Variants in SCX observed in about 807,000 individuals in gnomAD.
SCX encodes basic helix-loop-helix transcription factor scleraxis.
Under a neutral mutation model 12.2 loss-of-function variants are expected in SCX, and 7 were observed. The observed-to-expected ratio is 0.57, with a 90% CI of 0.33 to 1.08. The LOEUF is 1.08. SCX is among the 50% of genes least tolerant of loss of function. The pLI, the probability that SCX is intolerant of heterozygous loss-of-function variation, is 0.04. For synonymous variants in SCX, 193 were observed against 163.9 expected, an observed-to-expected ratio of 1.18 and a Z score of -1.36; for missense variants, 342 against 337.2, an observed-to-expected ratio of 1.01 and a Z score of -0.11.
rs1349908952 is a variant in SCX at position 144,266,514 on chromosome 8, C to G, written c.-100C>G. On this transcript the variant is annotated 5_prime_UTR_variant, in exon 1 of 2. Transcript: ENST00000567180. ...CTGCCACCGCGGGGCGCAGCCGAGA[C>G]CCCGCGCCTCGCCCCGGCCGGCCCG... is the stretch of plus-strand genomic sequence containing the variant. 8.1e-6 allele frequency: 8 copies of G among 988,902 alleles called. 1 individual carries two copies. In the South Asian group the frequency reaches 3.6e-4, roughly 45 times the overall value. The allele number at this position is 988,902 out of a possible 1,614,324, so 61.3% of individuals were successfully genotyped here.
At chr8:144,268,076 G>A in intron 1 of SCX, 28 bp from the exon 2 acceptor site, 1 of 1,549,818 alleles carries the variant, frequency 6.5e-7, no homozygotes. Flanking sequence ...CTCTGCCGGG[G>A]CCTGACACTC....
chr8:144,267,260 C>A, intron 1 of SCX, 80 bp downstream of exon 1: 1 of 1,414,812 alleles, frequency 7.1e-7, no homozygotes, highest in South Asian at 1.5e-5. Flanking sequence ...GGAGGCGAGG[C>A]CACACGGGCA....
At chr8:144,268,024 G>A in intron 1 of SCX, 80 bp from the exon 2 acceptor site, 1 of 1,546,656 alleles carries the variant, frequency 6.5e-7, no homozygotes, top group Non-Finnish European at 8.7e-7. Flanking sequence ...ACCTGAGATG[G>A]CACCCAGCAG....
rs1405755515 is a variant in SCX at position 144,266,852 on chromosome 8, C to A, written c.239C>A (p.Ala80Glu). The stretch of plus-strand genomic sequence containing the variant: ...CGTGAGCCCCGGCAGCGGCACACGG[C>A]GAACGCGCGCGAGCGAGACCGCACC... ...PGREPRQRHTANARERDRTNS... is the reference protein window; with the variant it reads ...PGREPRQRHTENARERDRTNS... Residue 80 changes from alanine (A) to glutamate (E), a missense_variant, in exon 1 of 2, where the codon GCG becomes GAG. This residue lies in a region of SCX where 42 missense variants were observed against 73.7 expected (regional missense o/e 0.57). Coordinates refer to ENST00000567180, the MANE Select transcript of SCX (RefSeq NM_001080514.3). The A allele has an allele frequency of 2.2e-6, 3 of 1,394,398 alleles. No individual in the cohort carries two copies. Among genetic ancestry groups the A allele is most frequent in the Non-Finnish European group, 2.8e-6 (3 of 1,065,256 alleles). 86.4% of individuals were successfully genotyped at this position (1,394,398 alleles called of 1,614,324 possible).
At position 144,266,610 on chromosome 8, in the gene SCX, C is replaced by A; in HGVS notation, c.-4C>A. 8.4e-7 allele frequency: 1 copy of A among 1,183,806 alleles called. No individual in the cohort carries two copies. Among genetic ancestry groups the A allele is most frequent in the Non-Finnish European group, 1.1e-6 (1 of 941,492 alleles). The allele number at this position is 1,183,806 out of a possible 1,614,324, so 73.3% of individuals were successfully genotyped here. The stretch of plus-strand genomic sequence containing the variant: ...AGAGCTGACGCCGCGCCCCCGCCGG[C>A]CCCATGTCCTTCGCCACGCTGCGCC... On this transcript the variant is annotated 5_prime_UTR_variant, in exon 1 of 2. Transcript: ENST00000567180.
chr8:144,268,135 G>T lies in SCX; in HGVS notation c.599G>T (p.Arg200Leu). The T allele has an allele frequency of 6.4e-7, 1 of 1,551,708 alleles. No homozygotes were observed. The highest frequency in any genetic ancestry group is 8.7e-7 in the Non-Finnish European group (1 of 1,147,566). The change falls in exon 2 of 2, where the codon CGC becomes CTC. Residue 200 changes from arginine (R) to leucine (L), a missense_variant. This residue lies in a region of SCX where 161 missense variants were observed against 155.7 expected (regional missense o/e 1.03). Transcript: ENST00000567180. Reference protein sequence around the residue: ...SKDRDRKTAIRS With the variant: ...SKDRDRKTAILS ...GACCGCGACAGAAAGACAGCGATTCGCAGTTAGGAGGTGGCCGGCAGCAGC... is the reference window on the plus strand; with the variant it reads ...GACCGCGACAGAAAGACAGCGATTCTCAGTTAGGAGGTGGCCGGCAGCAGC...
intron 1 of SCX, among the ~76,000 whole-genome samples, chr8:144,267,584 T>C (rs1045622388): frequency 1.3e-4 from 20 of 152,362 alleles, no homozygotes; most frequent in Admixed American, 3.9e-4. Context: ...CCCCGGGTTC[T>C]TAGCCCCTGC....
intron 1 of SCX, among the ~76,000 whole-genome samples, chr8:144,267,626 C>T (rs1278817052): frequency 2.0e-5 from 3 of 152,244 alleles, no homozygotes; most frequent in African/African-American, 7.2e-5. Context: ...ATCTTGGGCA[C>T]CTGCTGTCCG....
chr8:144,266,931 C>T lies in SCX; in HGVS notation c.318C>T (p.Pro106=), dbSNP rs1241010278. 17 of 1,558,406 alleles carry T rather than the reference C, an allele frequency of 1.1e-5. No homozygotes were observed. The highest frequency in any genetic ancestry group is 2.8e-5 in the African/African-American group (2 of 71,528). The part of the protein sequence containing the change: ...TALRTLIPTE[P]ADRKLSKIET... The stretch of plus-strand genomic sequence containing the variant: ...TGCGCACGCTGATCCCCACCGAGCC[C>T]GCCGACCGCAAGCTCTCCAAGATTG... The change falls in exon 1 of 2, where the codon CCC becomes CCT. Residue 106 remains proline, a synonymous_variant. Transcript: ENST00000567180.
rs1429925368 is a variant in SCX, at chr8:144,267,074, G to A, written c.461G>A (p.Arg154His). The change falls in exon 1 of 2, where the codon CGC (arginine) becomes CAC (histidine). Residue 154 changes from arginine (R) to histidine (H), a missense_variant. Around this residue, in one of 3 missense-constraint regions of SCX, gnomAD observed 161 missense variants for 155.7 expected, o/e 1.03. Transcript: ENST00000567180. ...HSGPAFFHAA[R>H]AGSPPPPPPP... is the part of the protein sequence containing the mutation. ...GGGCCCGCCTTCTTCCACGCGGCGC[G>A]CGCCGGCAGCCCCCCGCCGCCGCCC... 5 of 1,405,414 alleles carry A rather than the reference G, an allele frequency of 3.6e-6. No homozygotes were observed. Among genetic ancestry groups the A allele is most frequent in the East Asian group, 3.1e-5 (1 of 32,220 alleles). The allele number at this position is 1,405,414 out of a possible 1,614,324, so 87.1% of individuals were successfully genotyped here.
rs1324324374 is a variant in SCX at position 144,266,622 on chromosome 8, C to T, written c.9C>T (p.Phe3=). ...GCGCCCCCGCCGGCCCCATGTCCTTCGCCACGCTGCGCCCGGCGCCGCCGG... is the reference window on the plus strand; with the variant it reads ...GCGCCCCCGCCGGCCCCATGTCCTTTGCCACGCTGCGCCCGGCGCCGCCGG... MS[F]ATLRPAPPGR... is the part of the protein sequence containing the mutation. The change falls in exon 1 of 2, where the codon TTC becomes TTT. Residue 3 remains phenylalanine (F), a synonymous_variant. Coordinates refer to ENST00000567180, the MANE Select transcript of SCX (RefSeq NM_001080514.3). 4 of 1,215,864 alleles carry T rather than the reference C, an allele frequency of 3.3e-6. No homozygotes were observed. Among genetic ancestry groups the T allele is most frequent in the Non-Finnish European group, 4.2e-6 (4 of 958,072 alleles). The allele number at this position is 1,215,864 out of a possible 1,614,324, so 75.3% of individuals were successfully genotyped here. A position where few individuals can be genotyped will look rare whatever the true frequency, so the allele number is the denominator to read the frequency against.
In SCX at chr8:144,266,768, C is replaced by T; in HGVS notation, c.155C>T (p.Ala52Val). ...GCGGCGCGCTGCGGCCTCCAGGGCG[C>T]CCGGCGGAGGGCGGGGGGCCGGCGG... ...VHAARCGLQG[A>V]RRRAGGRRAG... Residue 52 changes from alanine (A) to valine (V), a missense_variant, in exon 1 of 2, where the codon GCC becomes GTC. Ala to Val is a moderately conservative substitution (Grantham distance 64). Transcript: ENST00000567180. 1.9e-6 allele frequency: 2 copies of T among 1,073,822 alleles called. No homozygotes were observed. Among genetic ancestry groups the T allele is most frequent in the South Asian group, 4.0e-5 (1 of 25,132 alleles). The allele number at this position is 1,073,822 out of a possible 1,614,324, so 66.5% of individuals were successfully genotyped here.
At chr8:144,268,013 C>T (rs1845418541) in intron 1 of SCX, 91 bp from the exon 2 acceptor site, 18 of 1,541,686 alleles carry the variant, frequency 1.2e-5, no homozygotes, top group South Asian at 7.2e-5. Flanking sequence ...TGGCGCTGGC[C>T]ACCTGAGATG....
chr8:144,266,688 C>G lies in SCX; in HGVS notation c.75C>G (p.Asp25Glu), dbSNP rs1344384415. 7 of 1,238,014 alleles carry G rather than the reference C, an allele frequency of 5.7e-6. No individual in the cohort carries two copies. Among genetic ancestry groups the G allele is most frequent in the Non-Finnish European group, 7.2e-6 (7 of 971,324 alleles). The allele number at this position is 1,238,014 out of a possible 1,614,324, so 76.7% of individuals were successfully genotyped here. A position where few individuals can be genotyped will look rare whatever the true frequency, so the allele number is the denominator to read the frequency against. Residue 25 changes from aspartate to glutamate, a missense_variant, in exon 1 of 2, where the codon GAC (aspartate) becomes GAG (glutamate). Asp to Glu is a conservative substitution (Grantham distance 45, BLOSUM62 2). Transcript: ENST00000567180. ...CCGAGGTGAGCCCGCTGTCGGAGGA[C>G]GAGGACCGCGGCAGCGACAGCTCGG... ...LYPEVSPLSE[D>E]EDRGSDSSGS...
chr8:144,267,856 T>C (rs1370356693), intron 1 of SCX, among the ~76,000 whole-genome samples: 2 of 152,124 alleles, frequency 1.3e-5, no homozygotes, highest in Non-Finnish European at 2.9e-5. Flanking sequence ...CTTTTCCCAA[T>C]CCCCATTTCC....
Position 144,266,562 on chromosome 8 carries a change from A to G in SCX, c.-52A>G. 1 of 1,005,022 alleles carries G rather than the reference A, an allele frequency of 1.0e-6. No individual in the cohort carries two copies. The allele number at this position is 1,005,022 out of a possible 1,614,324, so 62.3% of individuals were successfully genotyped here. On this transcript the variant is annotated 5_prime_UTR_variant, in exon 1 of 2. Coordinates refer to ENST00000567180, the MANE Select transcript of SCX (RefSeq NM_001080514.3). ...CCGCGAGGCCCGCGGCGGCCGCAGG[A>G]GGCGGCATGAGCAGCGCGCGACAGA... is the stretch of plus-strand genomic sequence containing the variant.
Position 144,266,800 on chromosome 8 carries a change from G to A in SCX, c.187G>A (p.Gly63Ser). The change falls in exon 1 of 2, where the codon GGC becomes AGC. Residue 63 changes from glycine (G) to serine (S), a missense_variant. By Grantham distance (56) the Gly-to-Ser change is moderately conservative. This residue lies in a region of SCX where 139 missense variants were observed against 107.8 expected (regional missense o/e 1.29). Transcript: ENST00000567180. ...GAGGGCGGGGGGCCGGCGGGCCGGGGGCGGGGGGCCAGGGGGCCGGCCAGG... is the reference window on the plus strand; with the variant it reads ...GAGGGCGGGGGGCCGGCGGGCCGGGAGCGGGGGGCCAGGGGGCCGGCCAGG... ...RRRAGGRRAG[G>S]GGPGGRPGRE... 8.8e-7 allele frequency: 1 copy of A among 1,134,192 alleles called. No homozygotes were observed. The highest frequency in any genetic ancestry group is 1.1e-6 in the Non-Finnish European group (1 of 926,856). The allele number at this position is 1,134,192 out of a possible 1,614,324, so 70.3% of individuals were successfully genotyped here. A position where few individuals can be genotyped will look rare whatever the true frequency, so the allele number is the denominator to read the frequency against.
chr8:144,267,038 C>A lies in SCX; in HGVS notation c.425C>A (p.Pro142His). The part of the protein sequence containing the change: ...LAGEACGDGQ[P>H]CHSGPAFFHA... ...GGCGAGGCCTGCGGCGACGGACAGC[C>A]CTGCCACTCCGGGCCCGCCTTCTTC... The change falls in exon 1 of 2, where the codon CCC (proline) becomes CAC (histidine). Residue 142 changes from proline to histidine, a missense_variant. Physicochemically the swap from Pro to His is moderately conservative, Grantham distance 77 (BLOSUM62 -2). Transcript: ENST00000567180. 1 of 1,518,754 alleles carries A rather than the reference C, an allele frequency of 6.6e-7. No individual in the cohort carries two copies. Among genetic ancestry groups the A allele is most frequent in the South Asian group, 1.2e-5 (1 of 84,850 alleles). 94.1% of individuals were successfully genotyped at this position (1,518,754 alleles called of 1,614,324 possible). A position where few individuals can be genotyped will look rare whatever the true frequency, so the allele number is the denominator to read the frequency against.
chr8:144,266,465 A>G lies in SCX; in HGVS notation c.-149A>G, dbSNP rs1845366517. 3 of 976,602 alleles carry G rather than the reference A, an allele frequency of 3.1e-6. No individual in the cohort carries two copies. Among genetic ancestry groups the G allele is most frequent in the East Asian group, 1.1e-4 (1 of 8,768 alleles). The allele number at this position is 976,602 out of a possible 1,614,324, so 60.5% of individuals were successfully genotyped here. ...GGGGCCCCGCTCCGGCCCGGGACGC[A>G]CATGTGCGCGCGACGCCCGGCAGCT... On this transcript the variant is annotated 5_prime_UTR_variant, in exon 1 of 2. Coordinates refer to ENST00000567180, the MANE Select transcript of SCX (RefSeq NM_001080514.3).
Sources: allele counts gnomAD v4.1 joint callset (sites outside exome capture counted in the v4.1 genomes callset), GRCh38; gene constraint gnomAD v4.1.1; regional missense constraint gnomAD v4.1.1; transcripts MANE v1.5; gene names NCBI Gene and HGNC (gene_info 2026-07-23, HGNC 2026-07-21).